Variants in CNBD1 observed in about 807,000 individuals in gnomAD.
CNBD1 encodes cyclic nucleotide binding domain containing 1, also known as cyclic nucleotide-binding domain-containing protein 1.
A neutral mutation model predicts 54.4 loss-of-function variants in CNBD1; 71 were observed. The observed-to-expected ratio is 1.30, with a 90% CI of 1.08 to 1.59. CNBD1 has a LOEUF of 1.59. Ranked by LOEUF, CNBD1 falls within the 40% of genes most tolerant of loss-of-function variation. The pLI is 0.00. For synonymous variants in CNBD1, 182 were observed against 170.7 expected (o/e 1.07, Z -0.51); for missense variants, 659 against 518.0 (o/e 1.27, Z -2.64).
At chr8:86,986,972 G>C (rs1808622941) in intron 4 of CNBD1, among the ~76,000 whole-genome samples, 1 of 152,074 alleles carries the variant, frequency 6.6e-6, no homozygotes, top group South Asian at 2.1e-4. Flanking sequence ...TTCTTGCTTA[G>C]GATTGCTTTG....
intron 4 of CNBD1, among the ~76,000 whole-genome samples, chr8:87,190,553 T>G (rs1460371006): frequency 6.6e-6 from 1 of 152,124 alleles, no homozygotes; most frequent in Non-Finnish European, 1.5e-5. Context: ...CCAGCTTCAT[T>G]AATGGGTCTA....
chr8:86,977,957 T>C (rs922777272), intron 4 of CNBD1, among the ~76,000 whole-genome samples: 2 of 152,250 alleles, frequency 1.3e-5, no homozygotes, highest in East Asian at 1.9e-4. Context: ...CAAATATCCC[T>C]GATGAACATA....
intron 4 of CNBD1, among the ~76,000 whole-genome samples, chr8:87,002,440 A>T (rs990238341): frequency 6.6e-6 from 1 of 152,126 alleles, no homozygotes; most frequent in African/African-American, 2.4e-5. Context: ...AGTGTGGTAC[A>T]TGTTTTTCCC....
At chr8:87,295,412 C>G (rs1195755110) in intron 8 of CNBD1, among the ~76,000 whole-genome samples, 1 of 151,382 alleles carries the variant, frequency 6.6e-6, no homozygotes, top group Non-Finnish European at 1.5e-5. Context: ...AGTTAAAGTA[C>G]TGCTTATTTA....
At chr8:87,183,134 C>T (rs1033589980) in intron 4 of CNBD1, among the ~76,000 whole-genome samples, 1 of 152,102 alleles carries the variant, frequency 6.6e-6, no homozygotes, top group African/African-American at 2.4e-5. Flanking sequence ...ACAGTTATCC[C>T]AGCACCATTT....
intron 4 of CNBD1, among the ~76,000 whole-genome samples, chr8:86,999,627 G>A (rs1030873924): frequency 1.3e-5 from 2 of 151,954 alleles, no homozygotes; most frequent in African/African-American, 4.8e-5. Flanking sequence ...CCCCGGTTGA[G>A]ATCCCACCAT....
intron 4 of CNBD1, among the ~76,000 whole-genome samples, chr8:87,018,453 CT>C (rs1198118915): frequency 6.6e-6 from 1 of 152,072 alleles, no homozygotes; most frequent in African/African-American, 2.4e-5. Context: ...TCAGCCTTAA[CT>C]TTTTTTAAGT....
At chr8:87,275,170 A>C (rs1176090645) in intron 6 of CNBD1, among the ~76,000 whole-genome samples, 1 of 141,414 alleles carries the variant, frequency 7.1e-6, no homozygotes. Flanking sequence ...TGTTTTGGTT[A>C]CCGTAGCCTT....
chr8:86,905,056 A>G, intron 2 of CNBD1, 25 bp from the exon 3 acceptor site: 1 of 1,438,482 alleles, frequency 7.0e-7, no homozygotes, highest in Non-Finnish European at 9.7e-7. Flanking sequence ...GACACTTACA[A>G]TTTAATTTCT....
At chr8:87,392,197 A>T (rs1288340014) in intron 2 of CNBD1, among the ~76,000 whole-genome samples, 1 of 152,046 alleles carries the variant, frequency 6.6e-6, no homozygotes, top group African/African-American at 2.4e-5. Context: ...TCTCATACAT[A>T]GCTTGTGGAA....
intron 6 of CNBD1, among the ~76,000 whole-genome samples, chr8:87,281,111 T>C (rs868059776): frequency 6.6e-6 from 1 of 151,698 alleles, no homozygotes; most frequent in African/African-American, 2.4e-5. Flanking sequence ...AGTTTTCGGA[T>C]ATAACAACTG....
At chr8:87,121,348 A>T (rs1586270761) in intron 4 of CNBD1, among the ~76,000 whole-genome samples, 1 of 151,908 alleles carries the variant, frequency 6.6e-6, no homozygotes, top group East Asian at 1.9e-4. Context: ...ATAAGAGTGT[A>T]TTTAGCACTC....
At chr8:87,199,776 T>C (rs1423756972) in intron 4 of CNBD1, among the ~76,000 whole-genome samples, 3 of 152,142 alleles carry the variant, frequency 2.0e-5, no homozygotes, top group Non-Finnish European at 4.4e-5. Context: ...TGGTGAAGAT[T>C]TGGTGGGTGT....
chr8:86,969,880 T>C (rs1476495911), intron 4 of CNBD1, among the ~76,000 whole-genome samples: 1 of 151,854 alleles, frequency 6.6e-6, no homozygotes, highest in East Asian at 1.9e-4. Context: ...TCACTAGTAC[T>C]TTAAACAATC....
intron 6 of CNBD1, among the ~76,000 whole-genome samples, chr8:87,260,079 G>T (rs1808105328): frequency 6.6e-6 from 1 of 152,096 alleles, no homozygotes; most frequent in Non-Finnish European, 1.5e-5. Flanking sequence ...ACTGTGAAAG[G>T]GAAAAAATCT....
rs150887102 is a variant in CNBD1, at chr8:87,344,490, G to A, written c.1043-7195G>A. Among the ~76,000 whole-genome samples the A allele has an allele frequency of 3.9e-3, 586 of 152,096 alleles. 6 individuals carry two copies. The highest frequency in any genetic ancestry group is 0.014 in the African/African-American group (561 of 41,510). ...TACTGTCACTATTGTGTACAGAAAT[G>A]AAGGTTGGGTCACCAATATCTGTAT... On this transcript the variant is annotated intron_variant, in intron 8 of 10. Coordinates refer to ENST00000518476, the MANE Select transcript of CNBD1 (RefSeq NM_173538.3).
At chr8:87,140,577 A>G (rs1298138323) in intron 4 of CNBD1, among the ~76,000 whole-genome samples, 1 of 152,134 alleles carries the variant, frequency 6.6e-6, no homozygotes, top group Non-Finnish European at 1.5e-5. Flanking sequence ...TAATATTGTT[A>G]TTTATTGAAG....
At chr8:87,072,623 T>C (rs908762312) in intron 4 of CNBD1, among the ~76,000 whole-genome samples, 7 of 152,200 alleles carry the variant, frequency 4.6e-5, no homozygotes, top group African/African-American at 1.7e-4. Context: ...TTAAGAATGT[T>C]GAATATTGGC....
chr8:87,322,220 T>G (rs1809552767), intron 8 of CNBD1, among the ~76,000 whole-genome samples: 1 of 122,732 alleles, frequency 8.1e-6, no homozygotes, highest in African/African-American at 3.1e-5. Context: ...ACATTTGGGT[T>G]GTTTCCAAGT....
Sources: gnomAD v4.1 joint callset for allele counts (sites outside exome capture counted in the v4.1 genomes callset) on GRCh38, gnomAD v4.1.1 for gene constraint, MANE v1.5 for transcripts, NCBI Gene and HGNC (gene_info 2026-07-23, HGNC 2026-07-21) for gene names.